The following SLC35F3 variants were observed in gnomAD, a reference collection of about 807,000 sequenced individuals.
The protein encoded by SLC35F3 is solute carrier family 35 member F3.
SLC35F3 carries 25 observed loss-of-function variants against 49.9 expected under a neutral mutation model. That is an observed-to-expected ratio of 0.50 (90% CI 0.37 to 0.70). The LOEUF is 0.70. SLC35F3 is among the 30% of genes least tolerant of loss of function. SLC35F3 has a pLI of 0.00. For synonymous variants in SLC35F3, 275 were observed against 265.4 expected (o/e 1.04, Z -0.35); for missense variants, 525 against 639.8 (o/e 0.82, Z 1.94).
rs145681466 is a variant in SLC35F3, at chr1:233,935,950, C to G, written c.283+30192C>G. The stretch of plus-strand genomic sequence containing the variant: ...CTCAGGAGTGCTTGGCACTTGAATT[C>G]AGTTTGTTTGCCTTTCAACAACCTC... On this transcript the variant is annotated intron_variant, in intron 2 of 7. Coordinates refer to ENST00000366618, the MANE Select transcript of SLC35F3 (RefSeq NM_173508.4). Among the ~76,000 whole-genome samples the G allele has an allele frequency of 7.5e-3, 1,147 of 152,284 alleles. 11 individuals carry two copies. The highest frequency in any genetic ancestry group is 0.034 in the Middle Eastern group (10 of 294).
At chr1:234,313,967 C>G (rs964939887) in intron 4 of SLC35F3, among the ~76,000 whole-genome samples, 1 of 152,204 alleles carries the variant, frequency 6.6e-6, no homozygotes, top group Non-Finnish European at 1.5e-5. Flanking sequence ...ACGTTCCAAC[C>G]CTGCTGTGCT....
chr1:234,267,482 G>C (rs1347729143), intron 3 of SLC35F3, among the ~76,000 whole-genome samples: 2 of 148,838 alleles, frequency 1.3e-5, no homozygotes, highest in Non-Finnish European at 3.0e-5. Context: ...TCACCTCCCG[G>C]ATGGGGCGGC....
At chr1:234,052,113 T>A (rs1172420357) in intron 2 of SLC35F3, among the ~76,000 whole-genome samples, 2 of 152,190 alleles carry the variant, frequency 1.3e-5, no homozygotes, top group Non-Finnish European at 2.9e-5. Flanking sequence ...TTTTTTGTTG[T>A]GTCTCTGCCA....
intron 2 of SLC35F3, among the ~76,000 whole-genome samples, chr1:234,039,918 C>G (rs1458927790): frequency 6.6e-6 from 1 of 152,218 alleles, no homozygotes; most frequent in Non-Finnish European, 1.5e-5. Context: ...GTTATCAGCT[C>G]AGTGGGCCCT....
intron 2 of SLC35F3, among the ~76,000 whole-genome samples, chr1:233,953,881 A>G (rs1662650436): frequency 6.6e-6 from 1 of 152,182 alleles, no homozygotes; most frequent in Non-Finnish European, 1.5e-5. Flanking sequence ...CCATGGGAGC[A>G]ACAGTAAGAT....
At chr1:233,993,742 G>A (rs918414400) in intron 2 of SLC35F3, among the ~76,000 whole-genome samples, 1 of 152,090 alleles carries the variant, frequency 6.6e-6, no homozygotes, top group Non-Finnish European at 1.5e-5. Context: ...CTGAAATCTC[G>A]GATCCTGGAC....
chr1:234,097,694 C>T (rs926617939), intron 2 of SLC35F3, among the ~76,000 whole-genome samples: 5 of 152,100 alleles, frequency 3.3e-5, no homozygotes, highest in Admixed American at 1.3e-4. Context: ...AGTGATAAGA[C>T]CTGGTGACTG....
chr1:234,187,390 A>G (rs765182468), intron 2 of SLC35F3, among the ~76,000 whole-genome samples: 4 of 152,114 alleles, frequency 2.6e-5, no homozygotes, highest in Admixed American at 1.3e-4. Context: ...GAGAGGGGGG[A>G]AAATGGCGGA....
intron 2 of SLC35F3, among the ~76,000 whole-genome samples, chr1:234,078,090 C>T (rs1338577699): frequency 6.6e-6 from 1 of 152,192 alleles, no homozygotes; most frequent in East Asian, 1.9e-4. Flanking sequence ...TGAATCCTGT[C>T]CCCTTCCAAC....
chr1:234,279,755 G>A (rs1054713924), intron 3 of SLC35F3, among the ~76,000 whole-genome samples: 8 of 152,148 alleles, frequency 5.3e-5, no homozygotes, highest in Non-Finnish European at 1.2e-4. Flanking sequence ...AATGATTATG[G>A]CCAAAGCCTG....
chr1:234,233,146 A>C (rs1394932551), intron 3 of SLC35F3, among the ~76,000 whole-genome samples: 8 of 152,220 alleles, frequency 5.3e-5, no homozygotes, highest in Non-Finnish European at 1.2e-4. Flanking sequence ...CCAAAAGCAG[A>C]AGGAAACAAA....
At chr1:233,916,660 A>G (rs1474476448) in intron 2 of SLC35F3, among the ~76,000 whole-genome samples, 1 of 152,258 alleles carries the variant, frequency 6.6e-6, no homozygotes, top group Non-Finnish European at 1.5e-5. Context: ...ACTGGTGTAT[A>G]AGAAAATGTG....
intron 2 of SLC35F3, among the ~76,000 whole-genome samples, chr1:234,169,153 C>T (rs1407304651): frequency 6.6e-6 from 1 of 152,202 alleles, no homozygotes; most frequent in Non-Finnish European, 1.5e-5. Flanking sequence ...ATTTGTCCTT[C>T]CTCTGCCCTT....
rs576996051 is a variant in SLC35F3, at chr1:234,105,418, C to T, written c.284-125999C>T. On this transcript the variant is annotated intron_variant, in intron 2 of 7. Transcript: ENST00000366618. ...TATCTGCTTAGTGGGACTTCAGAAT[C>T]CCTATGGGTCAATAGGTGTTCTGTA... 2.6e-4 allele frequency among the ~76,000 whole-genome samples: 40 copies of T among 152,292 alleles called. No homozygotes were observed. In the South Asian group the frequency reaches 6.2e-3, roughly 24 times the overall value.
Position 233,904,963 on chromosome 1 carries a change from G to C in SLC35F3, c.-115G>C. 3 of 1,225,746 alleles carry C rather than the reference G, an allele frequency of 2.4e-6. No individual in the cohort carries two copies. The South Asian group carries it at 4.4e-5, about 18-fold the overall frequency. The allele number at this position is 1,225,746 out of a possible 1,614,324, so 75.9% of individuals were successfully genotyped here. A position where few individuals can be genotyped will look rare whatever the true frequency, so the allele number is the denominator to read the frequency against. ...GGCCCGGGGCGGCCGGCGCGGCGCAGACCCTCGGTGGGCAGCGCACTCCAG... is the reference window on the plus strand; with the variant it reads ...GGCCCGGGGCGGCCGGCGCGGCGCACACCCTCGGTGGGCAGCGCACTCCAG... On this transcript the variant is annotated 5_prime_UTR_variant, in exon 1 of 8. Transcript: ENST00000366618.
At position 234,281,090 on chromosome 1, in the gene SLC35F3, C is replaced by A. The variant is rs192699693; in HGVS notation, c.609-28011C>A. Among the ~76,000 whole-genome samples the A allele has an allele frequency of 6.6e-5, 10 of 151,846 alleles. 1 individual carries two copies. In the South Asian group the frequency reaches 1.5e-3, roughly 22 times the overall value. On this transcript the variant is annotated intron_variant, in intron 3 of 7. Transcript: ENST00000366618. ...TATGGGCTAAATTGTGTCCCCCCCC[C>A]ATGCTCAAATTCATATGCTGAAGCC...
intron 2 of SLC35F3, among the ~76,000 whole-genome samples, chr1:234,195,433 T>C (rs1666792206): frequency 6.6e-6 from 1 of 152,206 alleles, no homozygotes; most frequent in Admixed American, 6.5e-5. Context: ...GCTTTTAAAA[T>C]CTAAATGTAT....
At chr1:234,310,781 T>C (rs1320378458) in intron 4 of SLC35F3, among the ~76,000 whole-genome samples, 1 of 152,238 alleles carries the variant, frequency 6.6e-6, no homozygotes, top group African/African-American at 2.4e-5. Flanking sequence ...TAATTCTGCA[T>C]CTAGCAGAAG....
chr1:234,101,374 C>G (rs1027746617), intron 2 of SLC35F3, among the ~76,000 whole-genome samples: 19 of 152,138 alleles, frequency 1.2e-4, no homozygotes, highest in African/African-American at 4.3e-4. Flanking sequence ...TGCCCAGACA[C>G]TCCTGAAAAC....
Sources: gnomAD v4.1 joint callset for allele counts (sites outside exome capture counted in the v4.1 genomes callset) on GRCh38, gnomAD v4.1.1 for gene constraint, MANE v1.5 for transcripts, NCBI Gene and HGNC (gene_info 2026-07-23, HGNC 2026-07-21) for gene names.